Variants in EML5 observed in about 807,000 individuals in gnomAD.
The protein encoded by EML5 is EMAP like 5.
In EML5, 120 loss-of-function variants were observed where a neutral mutation model predicts 250.0. The ratio of observed to expected loss-of-function variants is 0.48; its 90% CI spans 0.41 to 0.56. The LOEUF (loss-of-function observed/expected upper bound fraction) is 0.56. EML5 is among the 20% of genes least tolerant of loss of function. The probability of loss-of-function intolerance (pLI) is 0.00; values close to 1 mark genes in which losing one functional copy is unlikely to be tolerated. For synonymous variants in EML5, 771 were observed against 806.5 expected (o/e 0.96, Z 0.75); for missense variants, 2,006 against 2,437.6 (o/e 0.82, Z 3.73).
At chr14:88,727,691 C>A (rs1368824234) in intron 7 of EML5, among the ~76,000 whole-genome samples, 1 of 152,164 alleles carries the variant, frequency 6.6e-6, no homozygotes, top group Non-Finnish European at 1.5e-5. Flanking sequence ...AGCCACCGCA[C>A]CCAGCCAATA....
In EML5 at chr14:88,682,017, T is replaced by C; in HGVS notation, c.2997A>G (p.Gly999=). 1 of 1,600,108 alleles carries C rather than the reference T, an allele frequency of 6.2e-7. No homozygotes were observed. Among genetic ancestry groups the C allele is most frequent in the South Asian group, 1.1e-5 (1 of 87,846 alleles). Residue 999 remains glycine, a synonymous_variant, in exon 21 of 44, where the codon GGA becomes GGG. Coordinates refer to ENST00000554922, the MANE Select transcript of EML5 (RefSeq NM_183387.3). The part of the protein sequence containing the change: ...ITLLVQGHME[G]EVWGLATHPY... ...GGTGTGTAGCTAAACCCCACACCTC[T>C]CCTTCCATGTGTCCCTATAAAGAAA...
intron 1 of EML5, among the ~76,000 whole-genome samples, chr14:88,759,257 A>G (rs2094204593): frequency 6.6e-6 from 1 of 152,190 alleles, no homozygotes. Context: ...AGTTAGACAG[A>G]CATGGGTTCA....
In EML5 at chr14:88,740,254, A is replaced by G. The variant is rs568598831; in HGVS notation, c.711+133T>C. On this transcript the variant is annotated intron_variant, in intron 5 of 43. Transcript: ENST00000554922. ...TCATTGAAATCTTGAAAACAAATAG[A>G]TAATTCAGTTAGAAAAGCATTTTCA... 2.3e-5 allele frequency: 14 copies of G among 600,210 alleles called. No individual in the cohort carries two copies. The South Asian group carries it at 5.9e-4, about 25-fold the overall frequency. 37.2% of individuals were successfully genotyped at this position (600,210 alleles called of 1,614,324 possible).
At chr14:88,706,557 C>T (rs879815992) in intron 10 of EML5, 131 bp from the exon 11 acceptor site, 9 of 668,654 alleles carry the variant, frequency 1.3e-5, no homozygotes, top group African/African-American at 3.8e-5. Context: ...AATGCTGACT[C>T]AAAAATTGAA....
chr14:88,760,529 A>G (rs1355487972), intron 1 of EML5, among the ~76,000 whole-genome samples: 1 of 152,136 alleles, frequency 6.6e-6, no homozygotes, highest in Admixed American at 6.6e-5. Flanking sequence ...CTATGTATCT[A>G]TCCTTTCACC....
intron 24 of EML5, among the ~76,000 whole-genome samples, chr14:88,662,341 T>TTTG (rs2092139048): frequency 7.9e-6 from 1 of 127,316 alleles, no homozygotes; most frequent in African/African-American, 3.4e-5. Flanking sequence ...TTTTTCTTGT[T>TTTG]TTTTTTTTTT....
At chr14:88,749,682 A>G (rs968314066) in intron 2 of EML5, among the ~76,000 whole-genome samples, 2 of 152,202 alleles carry the variant, frequency 1.3e-5, no homozygotes, top group African/African-American at 2.4e-5. Context: ...TTCCAAATAT[A>G]CATGAAATAT....
Position 88,757,355 on chromosome 14 carries a change from T to C in EML5, c.198-2684A>G, listed in dbSNP as rs1426507093. On this transcript the variant is annotated intron_variant, in intron 1 of 43. Transcript: ENST00000554922. Reference sequence around the variant, plus strand: ...AAAATGGATCAGAAGCTAAAATAATTGTTAAAACTCTTGGAAGAAAATATA... The same window carrying C: ...AAAATGGATCAGAAGCTAAAATAATCGTTAAAACTCTTGGAAGAAAATATA... Among the ~76,000 whole-genome samples the C allele has an allele frequency of 3.9e-5, 6 of 152,278 alleles. No homozygotes were observed. The East Asian group carries it at 1.2e-3, about 29-fold the overall frequency.
At chr14:88,687,125 C>T in intron 19 of EML5, 91 bp downstream of exon 19, 1 of 952,740 alleles carries the variant, frequency 1.0e-6, no homozygotes, top group Non-Finnish European at 1.6e-6. Flanking sequence ...CGGAAAAATA[C>T]ATGCCATGTG....
chr14:88,634,538 G>T, intron 32 of EML5, 49 bp from the exon 33 acceptor site: 1 of 1,118,772 alleles, frequency 8.9e-7, no homozygotes, highest in Non-Finnish European at 1.2e-6. Flanking sequence ...TGTAAAATCT[G>T]TAAAAACCCA....
chr14:88,782,656 C>T (rs1382297370), intron 1 of EML5, among the ~76,000 whole-genome samples: 2 of 152,340 alleles, frequency 1.3e-5, no homozygotes, highest in African/African-American at 4.8e-5. Context: ...GGCCAAGGTA[C>T]AGCTCAGGCC....
intron 1 of EML5, among the ~76,000 whole-genome samples, chr14:88,769,944 C>T (rs2094370047): frequency 6.6e-6 from 1 of 150,630 alleles, no homozygotes; most frequent in Admixed American, 6.6e-5. Context: ...ATTTTACTAA[C>T]TAGATTACAG....
At chr14:88,668,749 G>C (rs2092377402) in intron 21 of EML5, among the ~76,000 whole-genome samples, 1 of 152,154 alleles carries the variant, frequency 6.6e-6, no homozygotes. Flanking sequence ...TTGAGTTTAA[G>C]GGAAGATTAA....
chr14:88,775,469 T>C lies in EML5; in HGVS notation c.197+16838A>G, dbSNP rs375972882. Among the ~76,000 whole-genome samples the C allele has an allele frequency of 1.6e-4, 24 of 152,318 alleles. No individual in the cohort carries two copies. The East Asian group carries it at 4.1e-3, about 26-fold the overall frequency. ...TTGGGCCTTAAGGGAACATTGGCAG[T>C]AGTCTGGTAGTGCTCTCCATGGCCT... On this transcript the variant is annotated intron_variant, in intron 1 of 43. Transcript: ENST00000554922.
rs1427982544 is a variant in EML5, at chr14:88,612,829, T to G, written c.*2989A>C. 1 of 152,580 alleles carries G rather than the reference T, an allele frequency of 6.6e-6. No homozygotes were observed. The highest frequency in any genetic ancestry group is 1.9e-4 in the East Asian group (1 of 5,200). The allele number at this position is 152,580 out of a possible 1,614,324, so 9.5% of individuals were successfully genotyped here. A position where few individuals can be genotyped will look rare whatever the true frequency, so the allele number is the denominator to read the frequency against. On this transcript the variant is annotated 3_prime_UTR_variant, in exon 44 of 44. Coordinates refer to ENST00000554922, the MANE Select transcript of EML5 (RefSeq NM_183387.3). ...TTTAAAACTGTTAAGGCAAGAAGTG[T>G]CAAATGCTTTAGAGTTAAATAACAG...
chr14:88,764,366 A>C (rs910189257), intron 1 of EML5, among the ~76,000 whole-genome samples: 2 of 152,158 alleles, frequency 1.3e-5, no homozygotes. Context: ...CTTTTGAGGG[A>C]ATAGTTCATT....
chr14:88,656,654 A>G (rs938476559), intron 27 of EML5, among the ~76,000 whole-genome samples: 31 of 152,176 alleles, frequency 2.0e-4, no homozygotes, highest in African/African-American at 7.5e-4. Context: ...ATGGCCTTGC[A>G]TATGTCCTTA....
chr14:88,659,442 C>A (rs2091996674), intron 25 of EML5, among the ~76,000 whole-genome samples: 1 of 152,152 alleles, frequency 6.6e-6, no homozygotes, highest in African/African-American at 2.4e-5. Context: ...GAACTCCTGA[C>A]CTCAGGTGAT....
Position 88,730,120 on chromosome 14 carries a change from T to C in EML5, c.1050-3442A>G, listed in dbSNP as rs76976159. Among the ~76,000 whole-genome samples the C allele has an allele frequency of 1.4e-4, 22 of 152,272 alleles. No homozygotes were observed. In the East Asian group the frequency reaches 4.0e-3, roughly 28 times the overall value. ...CCAATGTATATATTAATACTGGACTTAGAATGTTACATTTTTAAGGCACAA... is the reference window on the plus strand; with the variant it reads ...CCAATGTATATATTAATACTGGACTCAGAATGTTACATTTTTAAGGCACAA... On this transcript the variant is annotated intron_variant, in intron 7 of 43. Coordinates refer to ENST00000554922, the MANE Select transcript of EML5 (RefSeq NM_183387.3).
Sources: allele counts gnomAD v4.1 joint callset (sites outside exome capture counted in the v4.1 genomes callset), GRCh38; gene constraint gnomAD v4.1.1; transcripts MANE v1.5; gene names NCBI Gene and HGNC (gene_info 2026-07-23, HGNC 2026-07-21).